The following CSMD1 variants were observed in gnomAD, a reference collection of about 807,000 sequenced individuals.
The protein encoded by CSMD1 is CUB and Sushi multiple domains 1.
In CSMD1, 213 loss-of-function variants were observed where a neutral mutation model predicts 417.5. The observed-to-expected ratio is 0.51, with a 90% CI of 0.46 to 0.57. The LOEUF is 0.57. Ranked by LOEUF, CSMD1 falls within the 20% of genes least tolerant of loss-of-function variation. The pLI is 0.00. For synonymous variants in CSMD1, 2,862 were observed against 1,736.8 expected (o/e 1.65, Z -16.11); for missense variants, 6,923 against 4,529.7 (o/e 1.53, Z -15.17).
intron 3 of CSMD1, among the ~76,000 whole-genome samples, chr8:4,336,261 A>G (rs1800165152): frequency 1.3e-5 from 2 of 152,110 alleles, no homozygotes; most frequent in Admixed American, 1.3e-4. Flanking sequence ...GCTCGTCCAA[A>G]AATAGACAGT....
intron 10 of CSMD1, among the ~76,000 whole-genome samples, chr8:3,508,273 C>T (rs1474613934): frequency 6.6e-6 from 1 of 151,642 alleles, no homozygotes; most frequent in Non-Finnish European, 1.5e-5. Flanking sequence ...AGACATAGAT[C>T]CTGGCTCACC....
chr8:4,569,290 G>C (rs565300505), intron 2 of CSMD1, among the ~76,000 whole-genome samples: 6 of 152,316 alleles, frequency 3.9e-5, no homozygotes, highest in African/African-American at 1.2e-4. Flanking sequence ...TAACATTTAA[G>C]TCTTTAATCC....
chr8:3,839,511 T>G (rs1039101870), intron 5 of CSMD1, among the ~76,000 whole-genome samples: 5 of 128,720 alleles, frequency 3.9e-5, no homozygotes, highest in Admixed American at 1.9e-4. Context: ...TATATATTTA[T>G]ATAGAATATA....
intron 47 of CSMD1, among the ~76,000 whole-genome samples, chr8:3,095,481 T>C (rs74304336): frequency 6.6e-6 from 1 of 152,182 alleles, no homozygotes; most frequent in East Asian, 1.9e-4. Context: ...AATGAAAATA[T>C]TGCTCTCCAG....
chr8:3,137,472 C>T (rs551048909), intron 41 of CSMD1, among the ~76,000 whole-genome samples: 8 of 152,302 alleles, frequency 5.3e-5, no homozygotes, highest in Admixed American at 2.0e-4. Flanking sequence ...TCCTGCTGAG[C>T]GCGGAGCGAG....
chr8:3,411,882 A>ATATGCACGTATATATGCACGTATATATG (rs1563361593), intron 12 of CSMD1, among the ~76,000 whole-genome samples: 6 of 46,348 alleles, frequency 1.3e-4, no homozygotes, highest in Non-Finnish European at 2.2e-4. Context: ...ACGTATATAT[A>ATATGCACGTATATATGCACGTATATATG]CACGTATATA....
At chr8:4,886,059 T>G (rs1021553274) in intron 1 of CSMD1, among the ~76,000 whole-genome samples, 1 of 152,102 alleles carries the variant, frequency 6.6e-6, no homozygotes, top group Non-Finnish European at 1.5e-5. Flanking sequence ...GGTGCAATCT[T>G]GGATCACTGC....
intron 3 of CSMD1, among the ~76,000 whole-genome samples, chr8:4,349,315 A>C (rs768671736): frequency 3.3e-5 from 5 of 152,330 alleles, no homozygotes; most frequent in South Asian, 2.1e-4. Flanking sequence ...CTACACTCTA[A>C]GACCTCCACA....
intron 36 of CSMD1, among the ~76,000 whole-genome samples, chr8:3,187,383 C>T (rs569037499): frequency 4.6e-5 from 7 of 152,134 alleles, no homozygotes; most frequent in African/African-American, 1.4e-4. Flanking sequence ...TCGTGAGAGT[C>T]GGAGGTGCAA....
chr8:3,316,789 G>T (rs746383710), intron 23 of CSMD1, among the ~76,000 whole-genome samples: 5 of 152,126 alleles, frequency 3.3e-5, no homozygotes, highest in Non-Finnish European at 5.9e-5. Flanking sequence ...CCAACTCAGC[G>T]TGCAGTGGGG....
intron 1 of CSMD1, among the ~76,000 whole-genome samples, chr8:4,675,255 A>C (rs921797074): frequency 1.3e-5 from 2 of 152,198 alleles, no homozygotes; most frequent in Non-Finnish European, 2.9e-5. Flanking sequence ...AAAACACTTA[A>C]AACTTTCACT....
intron 25 of CSMD1, among the ~76,000 whole-genome samples, chr8:3,292,324 C>T (rs1205176617): frequency 6.6e-6 from 1 of 152,050 alleles, no homozygotes; most frequent in African/African-American, 2.4e-5. Flanking sequence ...GTGGAGAGTT[C>T]TGTAGATGTC....
intron 1 of CSMD1, among the ~76,000 whole-genome samples, chr8:4,906,357 C>T (rs1356865688): frequency 6.6e-6 from 1 of 152,146 alleles, no homozygotes; most frequent in African/African-American, 2.4e-5. Context: ...TTCTTGCATA[C>T]AACTTATGTT....
At chr8:4,888,181 A>T (rs1234244350) in intron 1 of CSMD1, among the ~76,000 whole-genome samples, 2 of 152,068 alleles carry the variant, frequency 1.3e-5, no homozygotes, top group Admixed American at 6.5e-5. Context: ...TGGTACATCC[A>T]TATTGTATTC....
intron 5 of CSMD1, among the ~76,000 whole-genome samples, chr8:3,781,300 A>G (rs1799168124): frequency 6.6e-6 from 1 of 152,156 alleles, no homozygotes; most frequent in South Asian, 2.1e-4. Context: ...TGAATATACA[A>G]TATTCATACA....
At chr8:3,864,300 G>C (rs1256719083) in intron 5 of CSMD1, among the ~76,000 whole-genome samples, 2 of 152,226 alleles carry the variant, frequency 1.3e-5, no homozygotes, top group Non-Finnish European at 2.9e-5. Context: ...TATTTGTTGA[G>C]CTCTTTTCCT....
At chr8:3,151,170 T>G (rs1385712112) in intron 40 of CSMD1, 1 of 455,488 alleles carries the variant, frequency 2.2e-6, no homozygotes, top group African/African-American at 2.0e-5. Flanking sequence ...ATATCATCAT[T>G]CGGCCAATTT....
At chr8:2,999,275 C>T (rs562579136) in intron 53 of CSMD1, among the ~76,000 whole-genome samples, 1 of 151,800 alleles carries the variant, frequency 6.6e-6, no homozygotes, top group South Asian at 2.1e-4. Flanking sequence ...CTGCTTCAGC[C>T]CCTCCTAGTA....
chr8:3,733,189 ACACACACACACACACACT>A (rs1222815627), intron 6 of CSMD1, among the ~76,000 whole-genome samples: 3 of 147,960 alleles, frequency 2.0e-5, no homozygotes, highest in African/African-American at 7.8e-5. Flanking sequence ...ACACACACAC[ACACACACACACACACACT>A]CTCTCTCTCT....
Sources: gnomAD v4.1 joint callset for allele counts (sites outside exome capture counted in the v4.1 genomes callset) on GRCh38, gnomAD v4.1.1 for gene constraint, MANE v1.5 for transcripts, NCBI Gene and HGNC (gene_info 2026-07-23, HGNC 2026-07-21) for gene names.